Variants in TLCD3A observed in about 807,000 individuals in gnomAD.
TLCD3A encodes TLC domain containing 3A.
Under a neutral mutation model 29.9 loss-of-function variants are expected in TLCD3A, and 17 were observed. The ratio of observed to expected loss-of-function variants is 0.57; its 90% CI spans 0.39 to 0.85. TLCD3A has a LOEUF of 0.85. TLCD3A is among the 40% of genes least tolerant of loss of function. The probability of loss-of-function intolerance (pLI) is 0.00; values close to 1 mark genes in which losing one functional copy is unlikely to be tolerated. For synonymous variants in TLCD3A, 143 were observed against 147.7 expected (o/e 0.97, Z 0.23); for missense variants, 332 against 350.8 (o/e 0.95, Z 0.43).
At chr17:733,920 C>A (rs1047663972) in intron 2 of TLCD3A, among the ~76,000 whole-genome samples, 4 of 152,180 alleles carry the variant, frequency 2.6e-5, no homozygotes, top group Non-Finnish European at 5.9e-5. Context: ...AGGCCCTGCT[C>A]TCCTGTGGGC....
rs201196821 is a variant in TLCD3A at position 742,897 on chromosome 17, CTTT to C, written c.*1335_*1337del. 2.0e-5 allele frequency: 3 copies of C among 149,446 alleles called. No homozygotes were observed. Among genetic ancestry groups the C allele is most frequent in the African/African-American group, 7.4e-5 (3 of 40,722 alleles). The allele number at this position is 149,446 out of a possible 1,614,324, so 9.3% of individuals were successfully genotyped here. A position where few individuals can be genotyped will look rare whatever the true frequency, so the allele number is the denominator to read the frequency against. On this transcript the variant is annotated 3_prime_UTR_variant, in exon 5 of 5. Transcript: ENST00000308278. ...AAACAAAATGCTATTTTTTAATTGT[CTTT>C]TTTTTTTAACTATCAGTGTATCTTT...
chr17:740,984 C>G (rs537988405), intron 4 of TLCD3A, among the ~76,000 whole-genome samples: 2 of 152,232 alleles, frequency 1.3e-5, no homozygotes, highest in African/African-American at 4.8e-5. Context: ...ACAGCTCATT[C>G]TATTTTTTCC....
rs939550471 is a variant in TLCD3A, at chr17:732,772, A to G, written c.122+3A>G. The G allele has an allele frequency of 2.8e-6, 4 of 1,447,200 alleles. No homozygotes were observed. Among genetic ancestry groups the G allele is most frequent in the Non-Finnish European group, 3.6e-6 (4 of 1,101,766 alleles). The allele number at this position is 1,447,200 out of a possible 1,614,324, so 89.6% of individuals were successfully genotyped here. A position where few individuals can be genotyped will look rare whatever the true frequency, so the allele number is the denominator to read the frequency against. On this transcript the variant is annotated splice_donor_region_variant and intron_variant, in intron 1 of 4. Coordinates refer to ENST00000308278, the MANE Select transcript of TLCD3A (RefSeq NM_024792.3). ...GACTGCGTGATGATCAGCACCAGGT[A>G]CCGGCGCCGCCGAGACGCCCCCCGA... is the stretch of plus-strand genomic sequence containing the variant.
chr17:737,961 C>T lies in TLCD3A; in HGVS notation c.322C>T (p.Leu108Phe), dbSNP rs1459684749. The part of the protein sequence containing the change: ...RTRDQNRAPS[L>F]TLRNFLSRNR... Reference sequence around the variant, plus strand: ...CAGAGACCAGAACCGTGCGCCCTCCCTCACTCTTCGAAACTTCCTAAGTCG... The same window carrying T: ...CAGAGACCAGAACCGTGCGCCCTCCTTCACTCTTCGAAACTTCCTAAGTCG... The change falls in exon 3 of 5, where the codon CTC becomes TTC. Residue 108 changes from leucine (L) to phenylalanine (F), a missense_variant. Coordinates refer to ENST00000308278, the MANE Select transcript of TLCD3A (RefSeq NM_024792.3). The T allele has an allele frequency of 6.2e-7, 1 of 1,614,128 alleles. No homozygotes were observed. Among genetic ancestry groups the T allele is most frequent in the Admixed American group, 1.7e-5 (1 of 60,002 alleles).
At chr17:740,397 C>G (rs1333767569) in intron 3 of TLCD3A, 108 bp from the exon 4 acceptor site, 2 of 810,768 alleles carry the variant, frequency 2.5e-6, no homozygotes, top group Non-Finnish European at 4.3e-6. Flanking sequence ...GCCTATTGAG[C>G]GTCCTTTGCC....
intron 4 of TLCD3A, 114 bp downstream of exon 4, chr17:740,714 A>C: frequency 9.2e-7 from 1 of 1,085,282 alleles, no homozygotes; most frequent in South Asian, 1.4e-5. Flanking sequence ...AATGGCAGAG[A>C]GAGTGAAGGT....
rs529045160 is a variant in TLCD3A, at chr17:742,275, G to A, written c.*705G>A. On this transcript the variant is annotated 3_prime_UTR_variant, in exon 5 of 5. Transcript: ENST00000308278. ...GCAGGCTGACTTGCTAAGTCTGACA[G>A]TGACAAACTTGTGAGCTTACTGCAG... 6.6e-6 allele frequency: 1 copy of A among 152,408 alleles called. No homozygotes were observed. Among genetic ancestry groups the A allele is most frequent in the South Asian group, 2.1e-4 (1 of 4,826 alleles). 9.4% of individuals were successfully genotyped at this position (152,408 alleles called of 1,614,324 possible).
rs1974086586 is a variant in TLCD3A, at chr17:732,701, C to G, written c.54C>G (p.Leu18=). 7.0e-7 allele frequency: 1 copy of G among 1,435,048 alleles called. No individual in the cohort carries two copies. The highest frequency in any genetic ancestry group is 9.1e-7 in the Non-Finnish European group (1 of 1,094,250). 88.9% of individuals were successfully genotyped at this position (1,435,048 alleles called of 1,614,324 possible). A position where few individuals can be genotyped will look rare whatever the true frequency, so the allele number is the denominator to read the frequency against. Residue 18 remains leucine, a synonymous_variant, in exon 1 of 5, where the codon CTC becomes CTG. Coordinates refer to ENST00000308278, the MANE Select transcript of TLCD3A (RefSeq NM_024792.3). ...GALFFPGLFA[L]CTWALRRSQP... The stretch of plus-strand genomic sequence containing the variant: ...TCTTCTTCCCGGGGCTCTTCGCGCT[C>G]TGCACCTGGGCGCTGCGCCGCTCCC...
At chr17:740,380 T>G in intron 3 of TLCD3A, 125 bp from the exon 4 acceptor site, 1 of 743,254 alleles carries the variant, frequency 1.3e-6, no homozygotes. Flanking sequence ...TACAGTAGTC[T>G]GCGCTTGCCT....
At position 738,759 on chromosome 17, in the gene TLCD3A, G is replaced by A. The variant is rs141714658; in HGVS notation, c.408+712G>A. 1.4e-4 allele frequency among the ~76,000 whole-genome samples: 22 copies of A among 151,834 alleles called. No homozygotes were observed. The East Asian group carries it at 2.7e-3, about 19-fold the overall frequency. The stretch of plus-strand genomic sequence containing the variant: ...AGCTAATTCCTGTAATTTTTGTAGA[G>A]TTTCTCCATGTTGCCCAGGCTGGTC... On this transcript the variant is annotated intron_variant, in intron 3 of 4. Transcript: ENST00000308278.
intron 3 of TLCD3A, 47 bp downstream of exon 3, chr17:738,094 G>GTTTGTTTT (rs200758501): frequency 1.4e-4 from 59 of 428,942 alleles, no homozygotes; most frequent in Middle Eastern, 1.2e-3. Context: ...TGAGCTGGGT[G>GTTTGTTTT]TCTTTTTTTT....
At chr17:733,531 C>G (rs1033626465) in intron 2 of TLCD3A, among the ~76,000 whole-genome samples, 3 of 152,206 alleles carry the variant, frequency 2.0e-5, no homozygotes, top group South Asian at 2.1e-4. Context: ...AACAGACGTC[C>G]AGTGTGGTTA....
Position 742,946 on chromosome 17 carries a change from T to C in TLCD3A, c.*1376T>C, listed in dbSNP as rs1974282921. On this transcript the variant is annotated 3_prime_UTR_variant, in exon 5 of 5. Transcript: ENST00000308278. ...TCTTTAAAAGTCACCCTTACGGTGA[T>C]TAAATTGCACTAACATTCCCAACTT... 1 of 152,248 alleles carries C rather than the reference T, an allele frequency of 6.6e-6. No individual in the cohort carries two copies. The highest frequency in any genetic ancestry group is 2.1e-4 in the South Asian group (1 of 4,828). 9.4% of individuals were successfully genotyped at this position (152,248 alleles called of 1,614,324 possible).
chr17:742,854 T>C lies in TLCD3A; in HGVS notation c.*1284T>C, dbSNP rs879837664. On this transcript the variant is annotated 3_prime_UTR_variant, in exon 5 of 5. Coordinates refer to ENST00000308278, the MANE Select transcript of TLCD3A (RefSeq NM_024792.3). The stretch of plus-strand genomic sequence containing the variant: ...TGTCTCATTTTGACTGTTGAGTCTT[T>C]AATGGGTGCCATTTAAAAAACAAAA... The C allele has an allele frequency of 1.3e-5, 2 of 152,592 alleles. No homozygotes were observed. Among genetic ancestry groups the C allele is most frequent in the African/African-American group, 4.8e-5 (2 of 41,464 alleles). 9.5% of individuals were successfully genotyped at this position (152,592 alleles called of 1,614,324 possible). A position where few individuals can be genotyped will look rare whatever the true frequency, so the allele number is the denominator to read the frequency against.
chr17:738,834 T>C (rs1974203949), intron 3 of TLCD3A, among the ~76,000 whole-genome samples: 1 of 152,150 alleles, frequency 6.6e-6, no homozygotes, highest in Non-Finnish European at 1.5e-5. Flanking sequence ...CCCAAAGTGC[T>C]GGGATTACAG....
Position 741,807 on chromosome 17 carries a change from TAATGCAA to T in TLCD3A, c.*238_*244del. ...ACCTCCACGGACAGCAAAGTGGTTT[TAATGCAA>T]GCCCAAGGATCCTTCTTAAGGTCTT... On this transcript the variant is annotated 3_prime_UTR_variant, in exon 5 of 5. Coordinates refer to ENST00000308278, the MANE Select transcript of TLCD3A (RefSeq NM_024792.3). 1 of 562,912 alleles carries T rather than the reference TAATGCAA, an allele frequency of 1.8e-6. No homozygotes were observed. 34.9% of individuals were successfully genotyped at this position (562,912 alleles called of 1,614,324 possible).
chr17:742,723 C>T lies in TLCD3A; in HGVS notation c.*1153C>T, dbSNP rs1222893644. The T allele has an allele frequency of 6.6e-6, 1 of 152,612 alleles. No individual in the cohort carries two copies. Among genetic ancestry groups the T allele is most frequent in the Non-Finnish European group, 1.5e-5 (1 of 68,046 alleles). The allele number at this position is 152,612 out of a possible 1,614,324, so 9.5% of individuals were successfully genotyped here. On this transcript the variant is annotated 3_prime_UTR_variant, in exon 5 of 5. Transcript: ENST00000308278. The stretch of plus-strand genomic sequence containing the variant: ...ACACTCATTCATCATTCCCGATCAA[C>T]TAGGATGAATTTAAGACTGTGCTAC...
intron 2 of TLCD3A, 114 bp from the exon 3 acceptor site, chr17:737,732 T>C: frequency 9.6e-7 from 1 of 1,038,518 alleles, no homozygotes; most frequent in Non-Finnish European, 1.5e-6. Context: ...TTTCAACATC[T>C]TTATTGTAAA....
At chr17:733,056 G>A in intron 1 of TLCD3A, 42 bp from the exon 2 acceptor site, 1 of 1,541,934 alleles carries the variant, frequency 6.5e-7, no homozygotes, top group Non-Finnish European at 8.8e-7. Context: ...GCGGTCCTCG[G>A]ACCGGACTGA....
Sources: allele counts gnomAD v4.1 joint callset (sites outside exome capture counted in the v4.1 genomes callset), GRCh38; gene constraint gnomAD v4.1.1; transcripts MANE v1.5; gene names NCBI Gene and HGNC (gene_info 2026-07-23, HGNC 2026-07-21).